The following TRIOBP variants were observed in gnomAD, a reference collection of about 807,000 sequenced individuals.
The protein encoded by TRIOBP is TRIO and F-actin-binding protein.
In TRIOBP, 169 loss-of-function variants were observed where a neutral mutation model predicts 238.8. That is an observed-to-expected ratio of 0.71 (90% CI 0.62 to 0.80). The LOEUF is 0.80. Among genes scored for constraint, TRIOBP ranks in the 30% least tolerant of loss-of-function variants. TRIOBP has a pLI of 0.00. For synonymous variants in TRIOBP, 1,150 were observed against 1,274.4 expected (o/e 0.90, Z 2.08); for missense variants, 2,838 against 3,122.6 (o/e 0.91, Z 2.17).
intron 10 of TRIOBP, among the ~76,000 whole-genome samples, chr22:37,740,433 G>C (rs931726874): frequency 9.2e-5 from 14 of 152,180 alleles, no homozygotes; most frequent in Non-Finnish European, 1.8e-4. Context: ...GTGAGAAGGT[G>C]GGGGGGCACC....
intron 17 of TRIOBP, among the ~76,000 whole-genome samples, chr22:37,763,839 C>T (rs747944023): frequency 2.0e-5 from 3 of 152,182 alleles, no homozygotes; most frequent in Non-Finnish European, 4.4e-5. Context: ...AAGTCTAACG[C>T]GAGTCTTGCC....
intron 7 of TRIOBP, among the ~76,000 whole-genome samples, chr22:37,728,555 T>C (rs747059755): frequency 7.2e-5 from 11 of 151,822 alleles, no homozygotes; most frequent in Non-Finnish European, 1.3e-4. Context: ...ATTCTTTCTT[T>C]GGCCTTAAAA....
intron 23 of TRIOBP, among the ~76,000 whole-genome samples, chr22:37,773,107 A>G (rs563635623): frequency 2.0e-5 from 3 of 152,138 alleles, no homozygotes; most frequent in East Asian, 1.9e-4. Context: ...ACACACACAC[A>G]TCGCACGCTG....
At chr22:37,709,502 A>C (rs1923124151) in intron 3 of TRIOBP, among the ~76,000 whole-genome samples, 1 of 152,196 alleles carries the variant, frequency 6.6e-6, no homozygotes, top group Non-Finnish European at 1.5e-5. Flanking sequence ...GGAGGGCAGC[A>C]GTGTGGGGGC....
intron 6 of TRIOBP, among the ~76,000 whole-genome samples, chr22:37,721,917 G>A (rs982426573): frequency 6.6e-6 from 1 of 152,152 alleles, no homozygotes; most frequent in Admixed American, 6.5e-5. Flanking sequence ...GACACACCAA[G>A]GTCATGGCAA....
At position 37,740,790 on chromosome 22, in the gene TRIOBP, G is replaced by A. The variant is rs1924895518; in HGVS notation, c.5185-105G>A. 5.3e-6 allele frequency: 8 copies of A among 1,500,318 alleles called. No individual in the cohort carries two copies. The Admixed American group carries it at 1.6e-4, about 30-fold the overall frequency. The allele number at this position is 1,500,318 out of a possible 1,614,324, so 92.9% of individuals were successfully genotyped here. On this transcript the variant is annotated intron_variant, in intron 10 of 23. Transcript: ENST00000644935. ...AGGAGAGAAAGATGGGAACCCTGGG[G>A]CTCCATGGTGGGGGGCACCACAGAA...
intron 15 of TRIOBP, among the ~76,000 whole-genome samples, chr22:37,756,116 ATGG>A (rs1925908739): frequency 6.6e-6 from 1 of 152,170 alleles, no homozygotes; most frequent in Admixed American, 6.5e-5. Flanking sequence ...CCAGATGCCC[ATGG>A]CGGGCTGGGA....
intron 19 of TRIOBP, 101 bp from the exon 20 acceptor site, chr22:37,768,927 G>A: frequency 6.4e-7 from 1 of 1,555,460 alleles, no homozygotes; most frequent in East Asian, 2.3e-5. Flanking sequence ...CCTAGAGAGG[G>A]AACCCCAGAG....
rs573682755 is a variant in TRIOBP, at chr22:37,724,884, C to A, written c.2328C>A (p.Asp776Glu). Residue 776 changes from aspartate (D) to glutamate (E), a missense_variant, in exon 7 of 24, where the codon GAC becomes GAA. By Grantham distance (45) the Asp-to-Glu change is conservative. Coordinates refer to ENST00000644935, the MANE Select transcript of TRIOBP (RefSeq NM_001039141.3). ...ENLRTSCTRQ[D>E]NPRTSSPNRA... ...TCAGAACATCCTGTACCCGACAGGACAATCCCAGGACCTCCTCTCCCAATA... is the reference window on the plus strand; with the variant it reads ...TCAGAACATCCTGTACCCGACAGGAAAATCCCAGGACCTCCTCTCCCAATA... The A allele has an allele frequency of 6.2e-7, 1 of 1,610,238 alleles. No individual in the cohort carries two copies. The highest frequency in any genetic ancestry group is 1.7e-5 in the Admixed American group (1 of 59,708).
intron 18 of TRIOBP, among the ~76,000 whole-genome samples, chr22:37,767,103 T>G (rs1408101107): frequency 6.6e-6 from 1 of 151,906 alleles, no homozygotes; most frequent in African/African-American, 2.4e-5. Context: ...ATACAAAAAT[T>G]AGCCATGCGC....
At position 37,715,860 on chromosome 22, in the gene TRIOBP, A is replaced by C. The variant is rs1445947582; in HGVS notation, c.554A>C (p.Asp185Ala). ...PRRPREGPRA[D>A]SSQRAPSLLT... ...AGGCCTCGGGAGGGGCCGAGAGCTG[A>C]CAGCTCCCAAAGGGCTCCGTCTCTC... is the stretch of plus-strand genomic sequence containing the variant. Residue 185 changes from aspartate to alanine, a missense_variant, in exon 6 of 24, where the codon GAC (aspartate) becomes GCC (alanine). Asp to Ala is a moderately radical substitution (Grantham distance 126). Around this residue, in one of 5 missense-constraint regions of TRIOBP, gnomAD observed 535 missense variants for 537.3 expected, o/e 1.00. Transcript: ENST00000644935. 6.2e-7 allele frequency: 1 copy of C among 1,613,924 alleles called. No homozygotes were observed. Among genetic ancestry groups the C allele is most frequent in the South Asian group, 1.1e-5 (1 of 91,064 alleles).
At chr22:37,751,315 G>C in intron 11 of TRIOBP, 1 of 340,222 alleles carries the variant, frequency 2.9e-6, no homozygotes, top group South Asian at 2.3e-5. Context: ...CCGAGGAAAG[G>C]ACAGGACTGG....
chr22:37,741,997 G>A (rs778869316), intron 11 of TRIOBP, among the ~76,000 whole-genome samples: 6 of 152,016 alleles, frequency 3.9e-5, no homozygotes, highest in South Asian at 2.1e-4. Context: ...TCGCTCTATC[G>A]CCCAGGCTGG....
chr22:37,723,265 C>A lies in TRIOBP; in HGVS notation c.709C>A (p.Arg237=). The A allele has an allele frequency of 6.2e-7, 1 of 1,614,038 alleles. No individual in the cohort carries two copies. The highest frequency in any genetic ancestry group is 1.1e-5 in the South Asian group (1 of 91,074). The change falls in exon 7 of 24, where the codon CGG becomes AGG. Residue 237 remains arginine, a synonymous_variant. Transcript: ENST00000644935. ...AAGCGGGTTGTCCCTGGAGCGGCAC[C>A]GGTCAACACTGACCCAGGCTTCCTC... ...GESGLSLERH[R]STLTQASSMT...
At chr22:37,768,496 T>C (rs1195720760) in intron 19 of TRIOBP, among the ~76,000 whole-genome samples, 3 of 152,180 alleles carry the variant, frequency 2.0e-5, no homozygotes, top group African/African-American at 4.8e-5. Flanking sequence ...AGTTTTGGAA[T>C]GTTGAGGTTT....
Position 37,755,614 on chromosome 22 carries a change from C to T in TRIOBP, c.5642C>T (p.Ala1881Val), listed in dbSNP as rs143156359. 1.8e-4 allele frequency: 285 copies of T among 1,614,122 alleles called. No individual in the cohort carries two copies. Among genetic ancestry groups the T allele is most frequent in the Non-Finnish European group, 2.3e-4 (269 of 1,180,038 alleles). ...TSGIRRNWIE[A>V]LRKTVRPTSA... ...GGCATCCGGCGGAACTGGATCGAGGCTCTGAGAAAGACCGTACGTCCAACT... is the reference window on the plus strand; with the variant it reads ...GGCATCCGGCGGAACTGGATCGAGGTTCTGAGAAAGACCGTACGTCCAACT... Residue 1881 changes from alanine to valine, a missense_variant, in exon 15 of 24, where the codon GCT (alanine) becomes GTT (valine). Around this residue, in one of 5 missense-constraint regions of TRIOBP, gnomAD observed 2,096 missense variants for 2,137.4 expected, o/e 0.98. Transcript: ENST00000644935.
At chr22:37,708,628 C>G (rs889048684) in intron 3 of TRIOBP, among the ~76,000 whole-genome samples, 1 of 152,334 alleles carries the variant, frequency 6.6e-6, no homozygotes, top group Admixed American at 6.5e-5. Context: ...GCTATCCTGC[C>G]GGTTTTGTAG....
At chr22:37,703,752 A>G (rs930561710) in intron 3 of TRIOBP, among the ~76,000 whole-genome samples, 1 of 149,876 alleles carries the variant, frequency 6.7e-6, no homozygotes, top group African/African-American at 2.5e-5. Context: ...TTATTCGCCC[A>G]CCTCGACCTC....
At position 37,723,389 on chromosome 22, in the gene TRIOBP, C is replaced by T; in HGVS notation, c.833C>T (p.Ala278Val). The T allele has an allele frequency of 6.2e-7, 1 of 1,614,058 alleles. No homozygotes were observed. The highest frequency in any genetic ancestry group is 8.5e-7 in the Non-Finnish European group (1 of 1,179,986). The change falls in exon 7 of 24, where the codon GCC becomes GTC. Residue 278 changes from alanine (A) to valine (V), a missense_variant. Ala to Val is a moderately conservative substitution (Grantham distance 64). This residue lies in a region of TRIOBP where 535 missense variants were observed against 537.3 expected (regional missense o/e 1.00). Transcript: ENST00000644935. ...QAASTREIPR[A>V]SSPHRITQRD... ...GCCTCTACACGTGAAATCCCCAGAG[C>T]CTCCTCTCCCCATCGAATCACCCAA...
Sources: allele counts gnomAD v4.1 joint callset (sites outside exome capture counted in the v4.1 genomes callset), GRCh38; gene constraint gnomAD v4.1.1; regional missense constraint gnomAD v4.1.1; transcripts MANE v1.5; gene names NCBI Gene and HGNC (gene_info 2026-07-23, HGNC 2026-07-21).